Variants in CACNB2 observed in about 807,000 individuals in gnomAD.
CACNB2 encodes calcium voltage-gated channel auxiliary subunit beta 2.
A neutral mutation model predicts 73.3 loss-of-function variants in CACNB2; 42 were observed. The observed-to-expected ratio is 0.57, with a 90% CI of 0.45 to 0.74. The LOEUF (loss-of-function observed/expected upper bound fraction) is 0.74. CACNB2 is among the 30% of genes least tolerant of loss of function. The probability of loss-of-function intolerance (pLI) is 0.00; values close to 1 mark genes in which losing one functional copy is unlikely to be tolerated. For synonymous variants in CACNB2, 348 were observed against 310.3 expected (o/e 1.12, Z -1.28); for missense variants, 940 against 853.0 (o/e 1.10, Z -1.27).
At chr10:18,488,746 G>T (rs1254011991) in intron 3 of CACNB2, among the ~76,000 whole-genome samples, 1 of 151,124 alleles carries the variant, frequency 6.6e-6, no homozygotes, top group Non-Finnish European at 1.5e-5. Flanking sequence ...ACATAAACAT[G>T]TAAATGTTGT....
rs1405449420 is a variant in CACNB2, at chr10:18,540,581, ATAAATTATGG to A, written c.*863_*872del. ...TGTAAGTAAGTTTGTAATTTCCACCATAAATTATGGTAAATATAAAACTCCAGAGGTTGTT... is the reference window on the plus strand; with the variant it reads ...TGTAAGTAAGTTTGTAATTTCCACCATAAATATAAAACTCCAGAGGTTGTT... On this transcript the variant is annotated 3_prime_UTR_variant, in exon 14 of 14. Transcript: ENST00000324631. 6.6e-6 allele frequency: 1 copy of A among 152,624 alleles called. No homozygotes were observed. Among genetic ancestry groups the A allele is most frequent in the Non-Finnish European group, 1.5e-5 (1 of 68,046 alleles). The allele number at this position is 152,624 out of a possible 1,614,324, so 9.5% of individuals were successfully genotyped here.
intron 2 of CACNB2, among the ~76,000 whole-genome samples, chr10:18,320,805 C>T (rs1292257453): frequency 6.6e-6 from 1 of 152,186 alleles, no homozygotes; most frequent in African/African-American, 2.4e-5. Flanking sequence ...ACTTGATTTT[C>T]ACTTCCTGTC....
At chr10:18,419,898 G>T (rs372388886) in intron 3 of CACNB2, among the ~76,000 whole-genome samples, 1 of 152,128 alleles carries the variant, frequency 6.6e-6, no homozygotes, top group Non-Finnish European at 1.5e-5. Context: ...CAAGAATTTA[G>T]GAATGCACTA....
At chr10:18,151,624 A>G (rs551697050) in intron 2 of CACNB2, among the ~76,000 whole-genome samples, 1 of 152,182 alleles carries the variant, frequency 6.6e-6, no homozygotes, top group Non-Finnish European at 1.5e-5. Flanking sequence ...TTCCATTACC[A>G]GAGGAAGAGC....
At chr10:18,452,775 G>A (rs914803785) in intron 3 of CACNB2, among the ~76,000 whole-genome samples, 2 of 152,192 alleles carry the variant, frequency 1.3e-5, no homozygotes, top group African/African-American at 4.8e-5. Flanking sequence ...CACCAAAAAA[G>A]GTTCTCTGGC....
chr10:18,375,696 T>C (rs2042770863), intron 2 of CACNB2, among the ~76,000 whole-genome samples: 1 of 152,208 alleles, frequency 6.6e-6, no homozygotes, highest in African/African-American at 2.4e-5. Context: ...AGCATGTTTA[T>C]TCATACATCT....
In CACNB2 at chr10:18,530,319, A is replaced by C. The variant is rs2052873717; in HGVS notation, c.1054+2622A>C. On this transcript the variant is annotated intron_variant, in intron 10 of 13. Transcript: ENST00000324631. The stretch of plus-strand genomic sequence containing the variant: ...TTTGGTGCCCAGGGACACAAAAGTG[A>C]AGGACACAAAGTCCTCTTTCTCATA... 3.3e-5 allele frequency among the ~76,000 whole-genome samples: 5 copies of C among 152,282 alleles called. No homozygotes were observed. In the South Asian group the frequency reaches 1.0e-3, roughly 32 times the overall value.
Position 18,454,522 on chromosome 10 carries a change from A to C in CACNB2, c.334-43833A>C, listed in dbSNP as rs547410333. ...GAGTAAGATTGTTTTTTTACCCCCT[A>C]AGAACAAACGTTTGCCCCCTTGGGG... On this transcript the variant is annotated intron_variant, in intron 3 of 13. Coordinates refer to ENST00000324631, the MANE Select transcript of CACNB2 (RefSeq NM_201596.3). Among the ~76,000 whole-genome samples the C allele has an allele frequency of 4.6e-5, 7 of 152,286 alleles. No homozygotes were observed. In the South Asian group the frequency reaches 1.2e-3, roughly 27 times the overall value.
At chr10:18,235,915 TAGTG>T (rs1335845962) in intron 2 of CACNB2, among the ~76,000 whole-genome samples, 1 of 152,134 alleles carries the variant, frequency 6.6e-6, no homozygotes, top group East Asian at 1.9e-4. Flanking sequence ...GTTCTCATGA[TAGTG>T]AGTGAGTGAT....
intron 3 of CACNB2, among the ~76,000 whole-genome samples, chr10:18,464,541 C>T (rs145403039): frequency 3.3e-5 from 5 of 151,840 alleles, no homozygotes; most frequent in Non-Finnish European, 7.4e-5. Context: ...TTACCCAAAT[C>T]GGAGCACCTG....
At chr10:18,444,902 G>T (rs138361895) in intron 3 of CACNB2, among the ~76,000 whole-genome samples, 8 of 152,264 alleles carry the variant, frequency 5.3e-5, no homozygotes, top group African/African-American at 1.7e-4. Context: ...AAGCAAAAAA[G>T]ACTTTTTTGG....
rs1281720703 is a variant in CACNB2, at chr10:18,140,699, G to C, written c.-38G>C. On this transcript the variant is annotated 5_prime_UTR_variant, in exon 1 of 14. Transcript: ENST00000324631. ...GGCGAGGAGGAGGGGACCCGCCGCC[G>C]GGGGCTGGCTGCTTCGCTCCGAGCC... 1 of 1,561,944 alleles carries C rather than the reference G, an allele frequency of 6.4e-7. No homozygotes were observed.
chr10:18,536,208 C>A lies in CACNB2; in HGVS notation c.1302+12C>A. 7.7e-6 allele frequency: 7 copies of A among 911,036 alleles called. No individual in the cohort carries two copies. The highest frequency in any genetic ancestry group is 1.2e-5 in the Non-Finnish European group (7 of 586,164). 56.4% of individuals were successfully genotyped at this position (911,036 alleles called of 1,614,324 possible). A position where few individuals can be genotyped will look rare whatever the true frequency, so the allele number is the denominator to read the frequency against. ...CTCAGTGTCCTCCAGTAAGTTATCT[C>A]TATATACAGCATAATCCAGTTACAG... On this transcript the variant is annotated intron_variant, in intron 12 of 13. Coordinates refer to ENST00000324631, the MANE Select transcript of CACNB2 (RefSeq NM_201596.3).
intron 2 of CACNB2, among the ~76,000 whole-genome samples, chr10:18,163,820 C>T (rs896808988): frequency 6.6e-6 from 1 of 152,038 alleles, no homozygotes; most frequent in Admixed American, 6.6e-5. Flanking sequence ...TGAGAGAGAC[C>T]AGGACCCCAG....
chr10:18,355,630 CT>C (rs549165226), intron 2 of CACNB2, among the ~76,000 whole-genome samples: 2,283 of 140,668 alleles, frequency 0.016, 38 homozygotes, highest in African/African-American at 0.049. Flanking sequence ...TGATTTTTCT[CT>C]TTTTTTTTTT....
intron 3 of CACNB2, among the ~76,000 whole-genome samples, chr10:18,447,135 T>G (rs2046776069): frequency 6.6e-6 from 1 of 152,150 alleles, no homozygotes; most frequent in South Asian, 2.1e-4. Context: ...AACACTATTT[T>G]GAGACATGGT....
chr10:18,390,904 C>T (rs1324787946), intron 2 of CACNB2, among the ~76,000 whole-genome samples: 1 of 152,188 alleles, frequency 6.6e-6, no homozygotes, highest in Non-Finnish European at 1.5e-5. Flanking sequence ...TATTTACATG[C>T]CTTGCCTTTG....
At chr10:18,315,510 A>AAC (rs2040137285) in intron 2 of CACNB2, among the ~76,000 whole-genome samples, 1 of 120,884 alleles carries the variant, frequency 8.3e-6, no homozygotes, top group African/African-American at 3.2e-5. Context: ...AAAAAAAAAA[A>AAC]AAAAAAAAAA....
intron 1 of CACNB2, among the ~76,000 whole-genome samples, chr10:18,141,879 G>A (rs2130985231): frequency 6.6e-6 from 1 of 152,294 alleles, no homozygotes; most frequent in East Asian, 1.9e-4. Context: ...TTGCTTAACT[G>A]TGTTGGCTTG....
Sources: gnomAD v4.1 joint callset for allele counts (sites outside exome capture counted in the v4.1 genomes callset) on GRCh38, gnomAD v4.1.1 for gene constraint, MANE v1.5 for transcripts, NCBI Gene and HGNC (gene_info 2026-07-23, HGNC 2026-07-21) for gene names.